Variants in ANO10 observed in about 807,000 individuals in gnomAD.
The protein encoded by ANO10 is anoctamin-10.
In ANO10, 77 loss-of-function variants were observed where a neutral mutation model predicts 74.7. The ratio of observed to expected loss-of-function variants is 1.03; its 90% CI spans 0.86 to 1.25. The LOEUF (loss-of-function observed/expected upper bound fraction) is 1.25. Among genes scored for constraint, ANO10 ranks in the 50% most tolerant of loss-of-function variants. The probability of loss-of-function intolerance (pLI) is 0.00; values close to 1 mark genes in which losing one functional copy is unlikely to be tolerated. For synonymous variants in ANO10, 279 were observed against 284.9 expected (o/e 0.98, Z 0.21); for missense variants, 721 against 778.1 (o/e 0.93, Z 0.87).
intron 12 of ANO10, among the ~76,000 whole-genome samples, chr3:43,400,403 T>C (rs2092459304): frequency 6.6e-6 from 1 of 151,930 alleles, no homozygotes; most frequent in African/African-American, 2.4e-5. Flanking sequence ...ATAGAGAAAG[T>C]CGACTGGCTG....
chr3:43,660,895 G>A (rs142632720), intron 1 of ANO10, among the ~76,000 whole-genome samples: 3,258 of 152,224 alleles, frequency 0.021, 69 homozygotes, highest in African/African-American at 0.053. Flanking sequence ...CGGAGGTTGC[G>A]TTGAGCCGAG....
At chr3:43,691,254 G>A (rs2084373587) in intron 1 of ANO10, 1 of 414,088 alleles carries the variant, frequency 2.4e-6, no homozygotes, top group Non-Finnish European at 4.1e-6. Context: ...GGGGCCCCGA[G>A]GTGTCTGAGC....
intron 12 of ANO10, 80 bp downstream of exon 12, chr3:43,432,531 T>C (rs781310895): frequency 1.3e-5 from 16 of 1,255,358 alleles, no homozygotes; most frequent in Non-Finnish European, 1.6e-5. Flanking sequence ...CTGAAAAAAA[T>C]GCTGAGACTG....
intron 11 of ANO10, among the ~76,000 whole-genome samples, chr3:43,528,054 G>C (rs555816351): frequency 3.1e-4 from 47 of 152,076 alleles, no homozygotes; most frequent in African/African-American, 9.6e-4. Context: ...TCACTACCAA[G>C]AAGATACTCG....
At chr3:43,672,363 A>C (rs1392910474) in intron 1 of ANO10, among the ~76,000 whole-genome samples, 1 of 152,082 alleles carries the variant, frequency 6.6e-6, no homozygotes, top group Non-Finnish European at 1.5e-5. Context: ...GTCTCAACAA[A>C]AAATTAAAAG....
intron 1 of ANO10, among the ~76,000 whole-genome samples, chr3:43,615,353 C>T (rs1332288510): frequency 7.4e-6 from 1 of 134,416 alleles, no homozygotes; most frequent in African/African-American, 2.6e-5. Flanking sequence ...TGTGTATATG[C>T]ACACATCAAG....
intron 11 of ANO10, among the ~76,000 whole-genome samples, chr3:43,494,579 A>G (rs1428354915): frequency 1.3e-5 from 2 of 152,216 alleles, no homozygotes; most frequent in Non-Finnish European, 2.9e-5. Context: ...ATTATAACTA[A>G]TAAGAGTGCT....
At chr3:43,530,532 T>G (rs1328701065) in intron 11 of ANO10, among the ~76,000 whole-genome samples, 1 of 151,608 alleles carries the variant, frequency 6.6e-6, no homozygotes, top group East Asian at 1.9e-4. Context: ...TTATCCGCAG[T>G]TTCACTTTCC....
At chr3:43,480,645 A>T (rs1318633282) in intron 11 of ANO10, among the ~76,000 whole-genome samples, 2 of 152,196 alleles carry the variant, frequency 1.3e-5, no homozygotes, top group East Asian at 3.9e-4. Context: ...GTGGTAAACG[A>T]GAAGCCAAGT....
In ANO10 at chr3:43,468,674, C is replaced by G. The variant is rs535002618; in HGVS notation, c.1798-35947G>C. ...ACTGTGGTGGTGGTAACTCAAATCT[C>G]TTCCCTAAACATCTCAGTGGGTTTT... On this transcript the variant is annotated intron_variant, in intron 11 of 12. Coordinates refer to ENST00000292246, the MANE Select transcript of ANO10 (RefSeq NM_018075.5). 3.9e-4 allele frequency among the ~76,000 whole-genome samples: 59 copies of G among 151,924 alleles called. No individual in the cohort carries two copies. In the South Asian group the frequency reaches 7.7e-3, roughly 20 times the overall value.
chr3:43,513,780 G>C (rs535704951), intron 11 of ANO10, among the ~76,000 whole-genome samples: 50 of 152,182 alleles, frequency 3.3e-4, no homozygotes, highest in African/African-American at 1.2e-3. Context: ...AAAGTGCTGG[G>C]ATTACAGGCA....
At chr3:43,599,869 G>A (rs2082255356) in intron 3 of ANO10, among the ~76,000 whole-genome samples, 1 of 150,970 alleles carries the variant, frequency 6.6e-6, no homozygotes, top group East Asian at 1.9e-4. Context: ...TAGCACCACT[G>A]CACTCCAGCC....
intron 1 of ANO10, among the ~76,000 whole-genome samples, chr3:43,667,459 C>T (rs2084006359): frequency 6.6e-6 from 1 of 152,092 alleles, no homozygotes; most frequent in Non-Finnish European, 1.5e-5. Flanking sequence ...ATTTCAATAG[C>T]TTTGGGGGTA....
At chr3:43,432,757 TG>T in intron 11 of ANO10, 30 bp from the exon 12 acceptor site, 13 of 1,382,306 alleles carry the variant, frequency 9.4e-6, no homozygotes, top group Non-Finnish European at 1.3e-5. Context: ...CATGTTGATG[TG>T]ATACATCAGA....
chr3:43,415,021 C>T (rs2092717832), intron 12 of ANO10, among the ~76,000 whole-genome samples: 1 of 134,324 alleles, frequency 7.4e-6, no homozygotes, highest in African/African-American at 2.8e-5. Flanking sequence ...GTCACCCAGG[C>T]TGCAGTGCAG....
Position 43,366,468 on chromosome 3 carries a change from T to A in ANO10, c.*438A>T, listed in dbSNP as rs376644560. ...CACTGCCTTACTGTACCCCGCTCACTCTCAACTGAGGCTCCTGTGATGAGC... is the reference window on the plus strand; with the variant it reads ...CACTGCCTTACTGTACCCCGCTCACACTCAACTGAGGCTCCTGTGATGAGC... On this transcript the variant is annotated 3_prime_UTR_variant, in exon 13 of 13. Coordinates refer to ENST00000292246, the MANE Select transcript of ANO10 (RefSeq NM_018075.5). The A allele has an allele frequency of 1.0e-3, 314 of 306,912 alleles. 5 individuals carry two copies. Among genetic ancestry groups the A allele is most frequent in the South Asian group, 8.3e-3 (258 of 30,952 alleles). The allele number at this position is 306,912 out of a possible 1,614,324, so 19.0% of individuals were successfully genotyped here.
Position 43,532,624 on chromosome 3 carries a change from G to A in ANO10, c.1797+17096C>T, listed in dbSNP as rs533753934. ...TATTGTTTTATGAATTTTAATGCAC[G>A]TATAGTTTCATATAACCACCACCAC... On this transcript the variant is annotated intron_variant, in intron 11 of 12. Coordinates refer to ENST00000292246, the MANE Select transcript of ANO10 (RefSeq NM_018075.5). 9.9e-5 allele frequency among the ~76,000 whole-genome samples: 15 copies of A among 152,138 alleles called. 1 individual carries two copies. In the South Asian group the frequency reaches 3.1e-3, roughly 32 times the overall value.
intron 4 of ANO10, among the ~76,000 whole-genome samples, chr3:43,585,754 C>T (rs374799450): frequency 6.6e-6 from 1 of 152,158 alleles, no homozygotes; most frequent in African/African-American, 2.4e-5. Context: ...ATGCAGTACC[C>T]AGCTGTGTCT....
intron 12 of ANO10, among the ~76,000 whole-genome samples, chr3:43,422,265 TG>T (rs1486146396): frequency 6.6e-6 from 1 of 151,992 alleles, no homozygotes; most frequent in Non-Finnish European, 1.5e-5. Context: ...TACAGGTGCG[TG>T]CCACCATGCC....
Sources: allele counts gnomAD v4.1 joint callset (sites outside exome capture counted in the v4.1 genomes callset), GRCh38; gene constraint gnomAD v4.1.1; transcripts MANE v1.5; gene names NCBI Gene and HGNC (gene_info 2026-07-23, HGNC 2026-07-21).